The following EIF3H variants were observed in gnomAD, a reference collection of about 807,000 sequenced individuals.
The protein encoded by EIF3H is eukaryotic translation initiation factor 3 subunit H.
In EIF3H, 26 loss-of-function variants were observed where a neutral mutation model predicts 44.2. The ratio of observed to expected loss-of-function variants is 0.59; its 90% CI spans 0.43 to 0.82. The LOEUF is 0.82. Ranked by LOEUF, EIF3H falls within the 40% of genes least tolerant of loss-of-function variation. The pLI is 0.00. For synonymous variants in EIF3H, 166 were observed against 151.9 expected, an observed-to-expected ratio of 1.09 and a Z score of -0.68; for missense variants, 359 against 432.8, an observed-to-expected ratio of 0.83 and a Z score of 1.51.
chr8:116,715,233 TAAAC>T (rs1814642272), intron 2 of EIF3H, among the ~76,000 whole-genome samples: 1 of 152,034 alleles, frequency 6.6e-6, no homozygotes, highest in African/African-American at 2.4e-5. Flanking sequence ...TTTCAAAACT[TAAAC>T]AAAATATGTT....
intron 2 of EIF3H, among the ~76,000 whole-genome samples, chr8:116,665,536 A>C (rs1813653099): frequency 6.6e-6 from 1 of 152,210 alleles, no homozygotes; most frequent in Admixed American, 6.5e-5. Flanking sequence ...AATAGCTTAA[A>C]AAGCAAGCAA....
intron 1 of EIF3H, among the ~76,000 whole-genome samples, chr8:116,743,103 C>T (rs1815158339): frequency 6.6e-6 from 1 of 152,104 alleles, no homozygotes; most frequent in Admixed American, 6.5e-5. Context: ...TACCAGTAAA[C>T]CACACTTGAA....
At chr8:116,706,745 A>G (rs757487543) in intron 2 of EIF3H, among the ~76,000 whole-genome samples, 1 of 152,052 alleles carries the variant, frequency 6.6e-6, no homozygotes, top group Non-Finnish European at 1.5e-5. Flanking sequence ...GGGTTTTGAC[A>G]TGTTGGTCAG....
chr8:116,746,917 AC>A (rs1198912114), intron 1 of EIF3H, among the ~76,000 whole-genome samples: 1 of 152,206 alleles, frequency 6.6e-6, no homozygotes, highest in East Asian at 1.9e-4. Flanking sequence ...AAATTTAACA[AC>A]CAAAAAAGGC....
chr8:116,690,656 G>C (rs1024934479), intron 2 of EIF3H, among the ~76,000 whole-genome samples: 1 of 152,176 alleles, frequency 6.6e-6, no homozygotes, highest in African/African-American at 2.4e-5. Flanking sequence ...CTTGTAGACT[G>C]CTATAACATT....
At chr8:116,714,189 T>C (rs890545071) in intron 2 of EIF3H, among the ~76,000 whole-genome samples, 1 of 152,106 alleles carries the variant, frequency 6.6e-6, no homozygotes, top group Non-Finnish European at 1.5e-5. Flanking sequence ...GTGCCACTTA[T>C]GAGGACCCAA....
At chr8:116,685,929 C>T (rs1814068085) in intron 2 of EIF3H, among the ~76,000 whole-genome samples, 1 of 152,136 alleles carries the variant, frequency 6.6e-6, no homozygotes, top group African/African-American at 2.4e-5. Flanking sequence ...GATCAGTCTC[C>T]TACAGTAATA....
intron 1 of EIF3H, among the ~76,000 whole-genome samples, chr8:116,738,780 G>A (rs1815083027): frequency 6.6e-6 from 1 of 152,104 alleles, no homozygotes; most frequent in African/African-American, 2.4e-5. Context: ...GCTGAGCTAC[G>A]GAATGCCGAG....
At chr8:116,744,228 A>AAAG (rs34757454) in intron 1 of EIF3H, among the ~76,000 whole-genome samples, 11 of 150,830 alleles carry the variant, frequency 7.3e-5, no homozygotes, top group Admixed American at 7.3e-4. Context: ...AAAAAAAAAA[A>AAAG]CAAACAGTAA....
At chr8:116,656,492 A>T (rs866238124) in intron 4 of EIF3H, among the ~76,000 whole-genome samples, 5 of 152,182 alleles carry the variant, frequency 3.3e-5, no homozygotes, top group Non-Finnish European at 1.5e-5. Context: ...ACAGTTTCTC[A>T]TAGATTAGTT....
intron 6 of EIF3H, among the ~76,000 whole-genome samples, chr8:116,647,679 A>C (rs1327907489): frequency 6.6e-6 from 1 of 152,232 alleles, no homozygotes; most frequent in East Asian, 1.9e-4. Context: ...GGCTAGTAAA[A>C]ATTTAGTCTT....
intron 2 of EIF3H, among the ~76,000 whole-genome samples, chr8:116,665,060 C>CT (rs1813645786): frequency 6.6e-6 from 1 of 152,182 alleles, no homozygotes; most frequent in African/African-American, 2.4e-5. Context: ...TTTACCACAG[C>CT]TATTACTTCA....
chr8:116,648,105 A>G (rs566082617), intron 6 of EIF3H, among the ~76,000 whole-genome samples: 110 of 152,364 alleles, frequency 7.2e-4, no homozygotes, highest in African/African-American at 2.5e-3. Flanking sequence ...AGCTCTGTTT[A>G]AAGTACATTT....
chr8:116,682,238 T>C (rs1455420579), intron 2 of EIF3H, among the ~76,000 whole-genome samples: 1 of 152,208 alleles, frequency 6.6e-6, no homozygotes, highest in African/African-American at 2.4e-5. Context: ...CCTCAAACTT[T>C]TCACTGGTAA....
intron 2 of EIF3H, among the ~76,000 whole-genome samples, chr8:116,715,504 G>A (rs1473990476): frequency 1.3e-5 from 2 of 151,938 alleles, no homozygotes; most frequent in South Asian, 2.1e-4. Flanking sequence ...TTCATGCTTC[G>A]TTTTGAAATC....
In EIF3H at chr8:116,679,809, T is replaced by TG. The variant is rs1235500603; in HGVS notation, c.290-20830dup. Among the ~76,000 whole-genome samples, 14 of 8,868 alleles carry TG rather than the reference T, an allele frequency of 1.6e-3. 1 individual carries two copies. Among genetic ancestry groups the TG allele is most frequent in the African/African-American group, 7.4e-3 (12 of 1,630 alleles). The allele number at this position is 8,868 out of a possible 152,430, so 5.8% of individuals were successfully genotyped here. On this transcript the variant is annotated intron_variant, in intron 2 of 7. Transcript: ENST00000521861. ...CCAGCCGCCCCATCCGGGAGGGAGG[T>TG]GGGGGGGTCAGCCCTCCGCCCGGCC...
At chr8:116,716,015 C>T (rs1038484562) in intron 2 of EIF3H, among the ~76,000 whole-genome samples, 3 of 149,644 alleles carry the variant, frequency 2.0e-5, no homozygotes, top group Non-Finnish European at 4.5e-5. Flanking sequence ...GGAGTTACCA[C>T]ATGTGCAAAA....
chr8:116,723,733 C>T (rs556539781), intron 2 of EIF3H, among the ~76,000 whole-genome samples: 1 of 152,194 alleles, frequency 6.6e-6, no homozygotes, highest in East Asian at 1.9e-4. Flanking sequence ...ATCCAATTTA[C>T]AATAGCATCA....
At chr8:116,717,635 C>T (rs1298946856) in intron 2 of EIF3H, among the ~76,000 whole-genome samples, 2 of 152,104 alleles carry the variant, frequency 1.3e-5, no homozygotes, top group African/African-American at 2.4e-5. Context: ...CCAACAAAAA[C>T]ACAAAGTGGG....
Sources: gnomAD v4.1 joint callset for allele counts (sites outside exome capture counted in the v4.1 genomes callset) on GRCh38, gnomAD v4.1.1 for gene constraint, MANE v1.5 for transcripts, NCBI Gene and HGNC (gene_info 2026-07-23, HGNC 2026-07-21) for gene names.